TSPAN7: variants seen among roughly 807,000 people sequenced by gnomAD.
The protein encoded by TSPAN7 is tetraspanin-7.
In TSPAN7, 1 loss-of-function variant was observed where a neutral mutation model predicts 17.6. The ratio of observed to expected loss-of-function variants is 0.06; its 90% CI spans 0.02 to 0.27. TSPAN7 has a LOEUF of 0.27. TSPAN7 is among the 10% of genes least tolerant of loss of function. TSPAN7 has a pLI of 1.00. For synonymous variants in TSPAN7, 78 were observed against 79.0 expected (o/e 0.99, Z 0.07); for missense variants, 112 against 201.7 (o/e 0.56, Z 2.69).
chrX:38,617,111 T>G (rs2069459865), intron 1 of TSPAN7, among the ~76,000 whole-genome samples: 1 of 111,723 alleles, frequency 9.0e-6, no homozygotes, highest in South Asian at 3.8e-4. Flanking sequence ...CAAGAAAACT[T>G]TATCTACAAA....
At chrX:38,668,614 G>T (rs1289564582) in intron 2 of TSPAN7, among the ~76,000 whole-genome samples, 1 of 111,785 alleles carries the variant, frequency 8.9e-6, no homozygotes, top group Non-Finnish European at 1.9e-5. Flanking sequence ...TCATGTTGTC[G>T]CAAGTGACAG....
chrX:38,610,746 G>A (rs1329028443), intron 1 of TSPAN7, among the ~76,000 whole-genome samples: 1 of 112,372 alleles, frequency 8.9e-6, no homozygotes, highest in Non-Finnish European at 1.9e-5. Context: ...TTTTCTCAGA[G>A]GTGAGCCTAT....
chrX:38,575,597 T>C (rs779411329), intron 1 of TSPAN7, among the ~76,000 whole-genome samples: 1 of 111,873 alleles, frequency 8.9e-6, no homozygotes, highest in South Asian at 3.7e-4. Flanking sequence ...TTAGATGATA[T>C]GAAAACTTCC....
chrX:38,628,179 C>T (rs2069531572), intron 1 of TSPAN7, among the ~76,000 whole-genome samples: 3 of 112,571 alleles, frequency 2.7e-5, no homozygotes, highest in Admixed American at 9.3e-5. Context: ...CCACAATGCC[C>T]GCTGTGGGGC....
At chrX:38,608,655 A>G (rs1602097570) in intron 1 of TSPAN7, among the ~76,000 whole-genome samples, 1 of 111,256 alleles carries the variant, frequency 9.0e-6, no homozygotes, top group South Asian at 3.7e-4. Flanking sequence ...TAGCTATTTT[A>G]TTCATTTTAT....
intron 1 of TSPAN7, among the ~76,000 whole-genome samples, chrX:38,636,347 C>A (rs2069579654): frequency 8.9e-6 from 1 of 112,211 alleles, no homozygotes; most frequent in Admixed American, 9.4e-5. Flanking sequence ...ATTCTCTTCT[C>A]GTAGAGAAAC....
At chrX:38,644,894 G>T (rs897844720) in intron 1 of TSPAN7, among the ~76,000 whole-genome samples, 3 of 112,033 alleles carry the variant, frequency 2.7e-5, no homozygotes, top group Non-Finnish European at 3.8e-5. Context: ...ATGAGGGAAT[G>T]CACACACACA....
At chrX:38,619,223 C>T (rs926259457) in intron 1 of TSPAN7, among the ~76,000 whole-genome samples, 4 of 110,904 alleles carry the variant, frequency 3.6e-5, no homozygotes, top group Admixed American at 1.9e-4. Flanking sequence ...GCTGTTTGGG[C>T]CCCACTCACA....
chrX:38,597,244 G>A (rs951742196), intron 1 of TSPAN7, among the ~76,000 whole-genome samples: 1 of 111,444 alleles, frequency 9.0e-6, no homozygotes, highest in Non-Finnish European at 1.9e-5. Context: ...CACCTGACAT[G>A]CACATTCCCT....
intron 1 of TSPAN7, among the ~76,000 whole-genome samples, chrX:38,637,367 G>A (rs5963521): frequency 0.011 from 1,189 of 112,073 alleles, 19 homozygotes; most frequent in African/African-American, 0.037. Context: ...GTTTGCTTCC[G>A]TTTTACACGC....
At chrX:38,588,718 G>T (rs2069272880) in intron 1 of TSPAN7, among the ~76,000 whole-genome samples, 1 of 111,694 alleles carries the variant, frequency 9.0e-6, no homozygotes, top group South Asian at 3.8e-4. Flanking sequence ...TCCAATAAAA[G>T]ACTATTTTTT....
intron 1 of TSPAN7, chrX:38,623,173 T>A: frequency 6.7e-6 from 2 of 300,067 alleles, no homozygotes; most frequent in Non-Finnish European, 1.3e-5. Flanking sequence ...TGAAGTGTGA[T>A]CATTGTCAGA....
intron 1 of TSPAN7, among the ~76,000 whole-genome samples, chrX:38,605,591 C>T (rs1291160831): frequency 1.3e-4 from 14 of 105,728 alleles, no homozygotes; most frequent in Admixed American, 5.1e-4. Context: ...AAAAAAGAGC[C>T]CGCATCGCCA....
rs776296021 is a variant in TSPAN7, at chrX:38,633,075, A to T, written c.82-33046A>T. ...TTTTTCTTAAGTATGTCTTGTTGAA[A>T]CTTCTTTTTGGTCTTGGTTTTGTTT... On this transcript the variant is annotated intron_variant, in intron 1 of 7. Coordinates refer to ENST00000378482, the MANE Select transcript of TSPAN7 (RefSeq NM_004615.4). Among the ~76,000 whole-genome samples the T allele has an allele frequency of 9.2e-4, 103 of 111,993 alleles. 1 individual carries two copies. The highest frequency in any genetic ancestry group is 1.6e-3 in the Admixed American group (17 of 10,566).
At chrX:38,615,163 C>T (rs1022830837) in intron 1 of TSPAN7, among the ~76,000 whole-genome samples, 2 of 110,916 alleles carry the variant, frequency 1.8e-5, no homozygotes, top group Non-Finnish European at 3.8e-5. Flanking sequence ...TTTTTCCCCT[C>T]GAGTGTTGAG....
At position 38,600,914 on chromosome X, in the gene TSPAN7, G is replaced by T. The variant is rs761610228; in HGVS notation, c.81+39287G>T. On this transcript the variant is annotated intron_variant, in intron 1 of 7. Transcript: ENST00000378482. ...TGGGAGTGGTGTTTTCATGAAATAG[G>T]CTAATTTGTCTGTTTAAGCCAAACT... 1.5e-4 allele frequency among the ~76,000 whole-genome samples: 17 copies of T among 111,588 alleles called. No individual in the cohort carries two copies. The South Asian group carries it at 4.5e-3, about 29-fold the overall frequency.
chrX:38,632,433 T>TG (rs770112119), intron 1 of TSPAN7, among the ~76,000 whole-genome samples: 1 of 112,374 alleles, frequency 8.9e-6, no homozygotes, highest in South Asian at 3.7e-4. Flanking sequence ...AAGTTTGAGC[T>TG]GGGGGCATAG....
chrX:38,684,873 T>A (rs1370218652), intron 6 of TSPAN7, among the ~76,000 whole-genome samples: 1 of 111,611 alleles, frequency 9.0e-6, no homozygotes, highest in Admixed American at 9.5e-5. Context: ...TCACCTGGCT[T>A]GCTGTATTAA....
intron 1 of TSPAN7, among the ~76,000 whole-genome samples, chrX:38,615,804 A>G (rs1478301602): frequency 8.9e-6 from 1 of 112,050 alleles, no homozygotes; most frequent in East Asian, 2.8e-4. Context: ...ATTGTAGAAA[A>G]ATCTGCTATT....
Sources: gnomAD v4.1 joint callset for allele counts (sites outside exome capture counted in the v4.1 genomes callset) on GRCh38, gnomAD v4.1.1 for gene constraint, MANE v1.5 for transcripts, NCBI Gene and HGNC (gene_info 2026-07-23, HGNC 2026-07-21) for gene names.